SZT2: variants seen among roughly 807,000 people sequenced by gnomAD.
SZT2 encodes KICSTOR complex protein SZT2.
In SZT2, 216 loss-of-function variants were observed where a neutral mutation model predicts 404.2. The ratio of observed to expected loss-of-function variants is 0.53; its 90% CI spans 0.48 to 0.60. The LOEUF (loss-of-function observed/expected upper bound fraction) is 0.60. Among genes scored for constraint, SZT2 ranks in the 20% least tolerant of loss-of-function variants. The probability of loss-of-function intolerance (pLI) is 0.00; values close to 1 mark genes in which losing one functional copy is unlikely to be tolerated. For synonymous variants in SZT2, 1,693 were observed against 1,749.9 expected, an observed-to-expected ratio of 0.97 and a Z score of 0.81; for missense variants, 3,857 against 4,459.2, an observed-to-expected ratio of 0.86 and a Z score of 3.85.
chr1:43,451,850 G>C lies in SZT2; in HGVS notation c.*1370G>C. 5.0e-6 allele frequency: 8 copies of C among 1,614,086 alleles called. No individual in the cohort carries two copies. Among genetic ancestry groups the C allele is most frequent in the Non-Finnish European group, 6.8e-6 (8 of 1,179,964 alleles). The stretch of plus-strand genomic sequence containing the variant: ...TACCTTCTGTAAGATGGCTGCCGCT[G>C]TAAGAGAAGCCAGGGAGGGGACCGT... On this transcript the variant is annotated 3_prime_UTR_variant, in exon 72 of 72. Coordinates refer to ENST00000634258, the MANE Select transcript of SZT2 (RefSeq NM_001365999.1).
chr1:43,418,200 AAG>A (rs1651924926), intron 7 of SZT2, among the ~76,000 whole-genome samples: 1 of 152,208 alleles, frequency 6.6e-6, no homozygotes, highest in Non-Finnish European at 1.5e-5. Context: ...ACAGCAGAGC[AAG>A]AGAGAGAATG....
At chr1:43,395,529 A>G (rs1648891880) in intron 1 of SZT2, among the ~76,000 whole-genome samples, 1 of 152,186 alleles carries the variant, frequency 6.6e-6, no homozygotes, top group African/African-American at 2.4e-5. Flanking sequence ...CAAACTCCTG[A>G]GGCTCAAGTA....
chr1:43,426,683 C>A lies in SZT2; in HGVS notation c.3215-32C>A, dbSNP rs773253863. On this transcript the variant is annotated intron_variant, in intron 22 of 71. Coordinates refer to ENST00000634258, the MANE Select transcript of SZT2 (RefSeq NM_001365999.1). This position sits in a 1 kb window ranked among gnomAD's most constrained non-coding sequence, Gnocchi z 4.9. ...GAGTCCCGCCTCTCTGCTGGCCCTG[C>A]CCTCTTTCACCCATCTCTACCCCCA... The A allele has an allele frequency of 2.6e-6, 4 of 1,566,738 alleles. No individual in the cohort carries two copies. The highest frequency in any genetic ancestry group is 3.5e-6 in the Non-Finnish European group (4 of 1,151,922).
In SZT2 at chr1:43,451,359, A is replaced by G; in HGVS notation, c.*879A>G. 6.2e-7 allele frequency: 1 copy of G among 1,612,446 alleles called. No individual in the cohort carries two copies. The highest frequency in any genetic ancestry group is 1.6e-4 in the Middle Eastern group (1 of 6,062). On this transcript the variant is annotated 3_prime_UTR_variant, in exon 72 of 72. Coordinates refer to ENST00000634258, the MANE Select transcript of SZT2 (RefSeq NM_001365999.1). Reference sequence around the variant, plus strand: ...GCACCTCAGCCCACAAGGAGAAAACAGCCCCTGTCCGGGTCCCTCCAGAGC... The same window carrying G: ...GCACCTCAGCCCACAAGGAGAAAACGGCCCCTGTCCGGGTCCCTCCAGAGC...
chr1:43,416,282 A>G (rs1435947740), intron 6 of SZT2, among the ~76,000 whole-genome samples, 181 bp downstream of exon 6: 1 of 152,190 alleles, frequency 6.6e-6, no homozygotes, highest in Non-Finnish European at 1.5e-5. Flanking sequence ...TCTGACAACC[A>G]TCAGAGACCC....
Position 43,442,608 on chromosome 1 carries a change from G to T in SZT2, c.8141G>T (p.Arg2714Leu). The T allele has an allele frequency of 1.2e-6, 2 of 1,602,536 alleles. No individual in the cohort carries two copies. Among genetic ancestry groups the T allele is most frequent in the East Asian group, 2.2e-5 (1 of 44,632 alleles). Residue 2714 changes from arginine to leucine, a missense_variant, in exon 58 of 72, where the codon CGA (arginine) becomes CTA (leucine). By Grantham distance (102) the Arg-to-Leu change is moderately radical. Around this residue, in one of 7 missense-constraint regions of SZT2, gnomAD observed 573 missense variants for 592.4 expected, o/e 0.97. Coordinates refer to ENST00000634258, the MANE Select transcript of SZT2 (RefSeq NM_001365999.1). The surrounding 1 kb of genome is among the most constrained non-coding windows in gnomAD (Gnocchi z 4.5). ...HHYGQLDFPVRDEKEPNPFLL... is the reference protein window; with the variant it reads ...HHYGQLDFPVLDEKEPNPFLL... ...TATGGCCAGTTGGACTTCCCCGTGC[G>T]AGATGAAAAGGTGCCTGCTGCTCTG... is the stretch of plus-strand genomic sequence containing the variant.
At chr1:43,401,998 T>A (rs1218176113) in intron 1 of SZT2, among the ~76,000 whole-genome samples, 1 of 152,234 alleles carries the variant, frequency 6.6e-6, no homozygotes, top group Non-Finnish European at 1.5e-5. Context: ...CATCAGAAAC[T>A]CTTCATTATT....
Position 43,446,330 on chromosome 1 carries a change from C to A in SZT2, c.8998-12C>A. On this transcript the variant is annotated splice_polypyrimidine_tract_variant and intron_variant, in intron 64 of 71. Coordinates refer to ENST00000634258, the MANE Select transcript of SZT2 (RefSeq NM_001365999.1). ...TCTCGCCTTCCTGATCTCATCTTCA[C>A]CTTCCCTCCAGGGCTGTTACTTCTG... is the stretch of plus-strand genomic sequence containing the variant. 6.2e-7 allele frequency: 1 copy of A among 1,614,270 alleles called. No individual in the cohort carries two copies. The highest frequency in any genetic ancestry group is 8.5e-7 in the Non-Finnish European group (1 of 1,180,052).
Position 43,425,454 on chromosome 1 carries a change from C to T in SZT2, c.2646-20C>T. On this transcript the variant is annotated intron_variant, in intron 18 of 71. Coordinates refer to ENST00000634258, the MANE Select transcript of SZT2 (RefSeq NM_001365999.1). The surrounding 1 kb of genome is among the most constrained non-coding windows in gnomAD (Gnocchi z 4.3). ...CTGCCATGAGGCTGTGCATTGGACT[C>T]AGAGCCCTTCCTCCTTTAGCTTCTC... 6.2e-7 allele frequency: 1 copy of T among 1,613,802 alleles called. No homozygotes were observed. Among genetic ancestry groups the T allele is most frequent in the Non-Finnish European group, 8.5e-7 (1 of 1,179,780 alleles).
chr1:43,445,574 A>C lies in SZT2; in HGVS notation c.8826-320A>C, dbSNP rs1467190394. On this transcript the variant is annotated intron_variant, in intron 62 of 71. Coordinates refer to ENST00000634258, the MANE Select transcript of SZT2 (RefSeq NM_001365999.1). ...ATCAAGCATCTCCTTGAATTTTCCT[A>C]ATCAAATTGTAGACAGGCATCACCT... The C allele has an allele frequency of 7.6e-6, 3 of 396,060 alleles. No individual in the cohort carries two copies. The East Asian group carries it at 1.5e-4, about 20-fold the overall frequency. The allele number at this position is 396,060 out of a possible 1,614,324, so 24.5% of individuals were successfully genotyped here. A position where few individuals can be genotyped will look rare whatever the true frequency, so the allele number is the denominator to read the frequency against.
Position 43,442,536 on chromosome 1 carries a change from A to G in SZT2, c.8069A>G (p.His2690Arg). The G allele has an allele frequency of 6.2e-7, 1 of 1,614,110 alleles. No homozygotes were observed. The highest frequency in any genetic ancestry group is 8.5e-7 in the Non-Finnish European group (1 of 1,179,984). The change falls in exon 58 of 72, where the codon CAT (histidine) becomes CGT (arginine). Residue 2690 changes from histidine to arginine, a missense_variant. His to Arg is a conservative substitution (Grantham distance 29). This residue lies in a region of SZT2 where 573 missense variants were observed against 592.4 expected (regional missense o/e 0.97). Coordinates refer to ENST00000634258, the MANE Select transcript of SZT2 (RefSeq NM_001365999.1). The surrounding 1 kb of genome is among the most constrained non-coding windows in gnomAD (Gnocchi z 4.5). ...GTGCAGTGGCAGAATGCACGAGCCC[A>G]TCTCATCTTCTGCCTACTCAGCCAG... ...RLVQWQNARA[H>R]LIFCLLSQKL...
chr1:43,424,847 G>A lies in SZT2; in HGVS notation c.2535G>A (p.Leu845=). Reference sequence around the variant, plus strand: ...GGGAAGGAATCATCAACATGGTTCTGGAGCTTCCAATTCAGGTACGTGCCA... The same window carrying A: ...GGGAAGGAATCATCAACATGGTTCTAGAGCTTCCAATTCAGGTACGTGCCA... ...CSGEGIINMV[L]ELPIQNEPPG... The change falls in exon 17 of 72, where the codon CTG becomes CTA. Residue 845 remains leucine, a synonymous_variant. Coordinates refer to ENST00000634258, the MANE Select transcript of SZT2 (RefSeq NM_001365999.1). The surrounding 1 kb of genome is among the most constrained non-coding windows in gnomAD (Gnocchi z 4.1). 1.2e-6 allele frequency: 2 copies of A among 1,614,024 alleles called. No individual in the cohort carries two copies. Among genetic ancestry groups the A allele is most frequent in the Non-Finnish European group, 1.7e-6 (2 of 1,179,918 alleles).
rs1423521129 is a variant in SZT2 at position 43,453,450 on chromosome 1, G to A, written c.*2970G>A. 1.3e-6 allele frequency: 2 copies of A among 1,564,254 alleles called. No homozygotes were observed. Among genetic ancestry groups the A allele is most frequent in the African/African-American group, 1.4e-5 (1 of 73,472 alleles). On this transcript the variant is annotated 3_prime_UTR_variant, in exon 72 of 72. Coordinates refer to ENST00000634258, the MANE Select transcript of SZT2 (RefSeq NM_001365999.1). Reference sequence around the variant, plus strand: ...TCCAGTCCCTCTCGGAAGGCCGCCTGTCTCCCGGGGACGGCCCCCAGCCCC... The same window carrying A: ...TCCAGTCCCTCTCGGAAGGCCGCCTATCTCCCGGGGACGGCCCCCAGCCCC...
Position 43,448,310 on chromosome 1 carries a change from G to C in SZT2, c.9795G>C (p.Leu3265=), listed in dbSNP as rs569613488. The part of the protein sequence containing the change: ...VGMARARLAQ[L]VRLAGGHCRR... ...TGGCACGAGCACGGCTGGCTCAGCT[G>C]GTGCGGCTGGCTGGAGGGCACTGCC... The change falls in exon 69 of 72, where the codon CTG becomes CTC. Residue 3265 remains leucine (L), a synonymous_variant. Transcript: ENST00000634258. The surrounding 1 kb of genome is among the most constrained non-coding windows in gnomAD (Gnocchi z 4.2). 169 of 1,553,842 alleles carry C rather than the reference G, an allele frequency of 1.1e-4. No homozygotes were observed. Among genetic ancestry groups the C allele is most frequent in the Middle Eastern group, 1.7e-4 (1 of 5,962 alleles).
intron 40 of SZT2, 139 bp downstream of exon 40, chr1:43,433,329 T>C: frequency 1.2e-6 from 1 of 867,142 alleles, no homozygotes. Context: ...TATTCTTAGG[T>C]TGGTGGTTCC....
chr1:43,399,957 G>C (rs1570552630), intron 1 of SZT2, among the ~76,000 whole-genome samples: 2 of 151,796 alleles, frequency 1.3e-5, no homozygotes, highest in East Asian at 1.9e-4. Flanking sequence ...TTTATTTTTT[G>C]AGACAGAATC....
chr1:43,437,369 GA>G lies in SZT2; in HGVS notation c.6188-33del. On this transcript the variant is annotated intron_variant, in intron 43 of 71. Coordinates refer to ENST00000634258, the MANE Select transcript of SZT2 (RefSeq NM_001365999.1). This position sits in a 1 kb window ranked among gnomAD's most constrained non-coding sequence, Gnocchi z 5.3. Reference sequence around the variant, plus strand: ...GGCAGGTGAGCATTGGAAGGATCTGGAAAAGGCAGTTTCCTGAGCCCATGTT... The same window carrying G: ...GGCAGGTGAGCATTGGAAGGATCTGGAAAGGCAGTTTCCTGAGCCCATGTT... 6.2e-7 allele frequency: 1 copy of G among 1,614,112 alleles called. No homozygotes were observed. Among genetic ancestry groups the G allele is most frequent in the Non-Finnish European group, 8.5e-7 (1 of 1,179,980 alleles).
At chr1:43,446,624 G>A (rs555790738) in intron 65 of SZT2, 5 of 660,630 alleles carry the variant, frequency 7.6e-6, no homozygotes, top group East Asian at 2.7e-5. Flanking sequence ...CATCCAAAGC[G>A]TGTTCAGCTG....
intron 2 of SZT2, 29 bp from the exon 3 acceptor site, chr1:43,403,572 T>C: frequency 6.2e-7 from 1 of 1,603,282 alleles, no homozygotes; most frequent in Non-Finnish European, 8.5e-7. Context: ...TCGCTGATCC[T>C]TTCCTTTTCT....
Sources: allele counts gnomAD v4.1 joint callset (sites outside exome capture counted in the v4.1 genomes callset), GRCh38; gene constraint gnomAD v4.1.1; regional missense constraint gnomAD v4.1.1; non-coding constraint Gnocchi (gnomAD v3.1); transcripts MANE v1.5; gene names NCBI Gene and HGNC (gene_info 2026-07-23, HGNC 2026-07-21).